The following CADPS variants were observed in gnomAD, a reference collection of about 807,000 sequenced individuals.
CADPS encodes the protein calcium dependent secretion activator.
In CADPS, 57 loss-of-function variants were observed where a neutral mutation model predicts 167.3. The ratio of observed to expected loss-of-function variants is 0.34; its 90% CI spans 0.28 to 0.42. CADPS has a LOEUF of 0.42. Ranked by LOEUF, CADPS falls within the 20% of genes least tolerant of loss-of-function variation. The pLI is 1.00. For missense variants in CADPS, 1,414 were observed against 1,738.1 expected (o/e 0.81, Z 3.32); for synonymous variants, 676 against 635.3 (o/e 1.06, Z -0.96).
intron 3 of CADPS, among the ~76,000 whole-genome samples, chr3:62,744,120 A>G (rs921007531): frequency 1.3e-5 from 2 of 152,180 alleles, no homozygotes; most frequent in African/African-American, 4.8e-5. Flanking sequence ...AAATGTAGGT[A>G]CAAATGTCTG....
chr3:62,664,932 A>C lies in CADPS; in HGVS notation c.889-2538T>G, dbSNP rs553580081. On this transcript the variant is annotated intron_variant, in intron 3 of 29. Transcript: ENST00000383710. Reference sequence around the variant, plus strand: ...TATTCTTTTATTCATTACTTCACTAATTTACTCATTCATTCATTAAATTTT... The same window carrying C: ...TATTCTTTTATTCATTACTTCACTACTTTACTCATTCATTCATTAAATTTT... Among the ~76,000 whole-genome samples the C allele has an allele frequency of 2.0e-5, 3 of 152,294 alleles. No homozygotes were observed. The South Asian group carries it at 6.2e-4, about 32-fold the overall frequency.
intron 9 of CADPS, among the ~76,000 whole-genome samples, chr3:62,563,962 C>T (rs188600341): frequency 6.6e-6 from 1 of 152,102 alleles, no homozygotes; most frequent in Non-Finnish European, 1.5e-5. Context: ...TGTCTAAGTG[C>T]TAGGAGTTAT....
chr3:62,836,593 A>G lies in CADPS; in HGVS notation c.441+37996T>C, dbSNP rs73844617. On this transcript the variant is annotated intron_variant, in intron 1 of 29. Coordinates refer to ENST00000383710, the MANE Select transcript of CADPS (RefSeq NM_003716.4). ...CTCTACAAAAGCATAAAGGTGAGAAAGCATGTGCATCTCTTGAGCCACAGG... is the reference window on the plus strand; with the variant it reads ...CTCTACAAAAGCATAAAGGTGAGAAGGCATGTGCATCTCTTGAGCCACAGG... Among the ~76,000 whole-genome samples the G allele has an allele frequency of 1.7e-3, 264 of 152,280 alleles. 2 individuals are homozygous for G. Among genetic ancestry groups the G allele is most frequent in the Middle Eastern group, 0.01 (3 of 294 alleles).
At chr3:62,842,375 G>T (rs1378212443) in intron 1 of CADPS, among the ~76,000 whole-genome samples, 5 of 152,188 alleles carry the variant, frequency 3.3e-5, no homozygotes, top group African/African-American at 9.7e-5. Context: ...AGGTTGTCAA[G>T]TTCCAGAATC....
intron 9 of CADPS, among the ~76,000 whole-genome samples, chr3:62,563,628 G>A (rs1243374543): frequency 2.6e-5 from 4 of 152,058 alleles, no homozygotes; most frequent in African/African-American, 9.7e-5. Flanking sequence ...TGAGATTTTG[G>A]TGAACCCATC....
At chr3:62,721,375 G>C (rs2075801252) in intron 3 of CADPS, among the ~76,000 whole-genome samples, 1 of 151,974 alleles carries the variant, frequency 6.6e-6, no homozygotes, top group Non-Finnish European at 1.5e-5. Flanking sequence ...AGATTTTATG[G>C]AGGAAATTAC....
chr3:62,541,869 T>C (rs114400758), intron 11 of CADPS, among the ~76,000 whole-genome samples: 2,256 of 152,272 alleles, frequency 0.015, 53 homozygotes, highest in African/African-American at 0.05. Context: ...CACACTTATA[T>C]GATCTTGTTT....
At chr3:62,463,383 A>T (rs1057414861) in intron 26 of CADPS, among the ~76,000 whole-genome samples, 1 of 152,200 alleles carries the variant, frequency 6.6e-6, no homozygotes, top group African/African-American at 2.4e-5. Context: ...AAAGAAAGCA[A>T]TGTCTTCTAC....
At chr3:62,459,456 C>T (rs2059079255) in intron 26 of CADPS, among the ~76,000 whole-genome samples, 1 of 152,194 alleles carries the variant, frequency 6.6e-6, no homozygotes, top group Non-Finnish European at 1.5e-5. Context: ...TCTGGCCTGG[C>T]CTTTCACAAG....
At chr3:62,644,981 C>A (rs1019381687) in intron 6 of CADPS, among the ~76,000 whole-genome samples, 2 of 152,176 alleles carry the variant, frequency 1.3e-5, no homozygotes, top group African/African-American at 4.8e-5. Context: ...TTCCACCATA[C>A]AATAATACCT....
intron 1 of CADPS, 50 bp from the exon 2 acceptor site, chr3:62,766,034 G>T (rs1448305533): frequency 7.6e-7 from 1 of 1,323,278 alleles, no homozygotes; most frequent in Non-Finnish European, 1.1e-6. Flanking sequence ...CCTAGACAAG[G>T]ATCATGGATA....
chr3:62,773,356 G>T (rs1445551216), intron 1 of CADPS, among the ~76,000 whole-genome samples: 1 of 151,856 alleles, frequency 6.6e-6, no homozygotes, highest in East Asian at 1.9e-4. Context: ...TCTGAAAAAG[G>T]CATTTTAAGT....
rs1705471110 is a variant in CADPS at position 62,400,396 on chromosome 3, A to T, written c.3883-811T>A. On this transcript the variant is annotated intron_variant, in intron 29 of 29. Transcript: ENST00000383710. ...GTGTTAATTGAATATGACCAGAAGC[A>T]TCTGGCTGTTGTCTACTTTGTAATT... is the stretch of plus-strand genomic sequence containing the variant. Among the ~76,000 whole-genome samples the T allele has an allele frequency of 1.3e-5, 2 of 151,894 alleles. 1 individual carries two copies. The highest frequency in any genetic ancestry group is 4.2e-4 in the South Asian group (2 of 4,804).
At chr3:62,452,076 C>G (rs998658635) in intron 26 of CADPS, among the ~76,000 whole-genome samples, 1 of 152,160 alleles carries the variant, frequency 6.6e-6, no homozygotes, top group African/African-American at 2.4e-5. Flanking sequence ...GAGAATGGCA[C>G]TCTTTACTCA....
At chr3:62,830,676 T>C (rs1005879029) in intron 1 of CADPS, among the ~76,000 whole-genome samples, 1 of 152,116 alleles carries the variant, frequency 6.6e-6, no homozygotes, top group African/African-American at 2.4e-5. Flanking sequence ...ACTTAAGAAA[T>C]CTTTCAATAC....
intron 27 of CADPS, among the ~76,000 whole-genome samples, chr3:62,442,118 A>AT (rs1216683633): frequency 0.015 from 2,157 of 143,416 alleles, 39 homozygotes; most frequent in African/African-American, 0.04. Context: ...CAAACCAGAA[A>AT]TTTTTTTTTT....
At chr3:62,780,360 G>A (rs948069465) in intron 1 of CADPS, among the ~76,000 whole-genome samples, 70 of 152,254 alleles carry the variant, frequency 4.6e-4, no homozygotes, top group African/African-American at 1.7e-3. Context: ...TGAGGCTGCA[G>A]TGACCTATGA....
At chr3:62,633,929 C>CT (rs1305501721) in intron 6 of CADPS, among the ~76,000 whole-genome samples, 5 of 152,052 alleles carry the variant, frequency 3.3e-5, no homozygotes, top group South Asian at 2.1e-4. Context: ...AAAATTTAAA[C>CT]TTTTTTTTAC....
At chr3:62,658,182 T>G (rs748320258) in intron 4 of CADPS, among the ~76,000 whole-genome samples, 38 of 152,200 alleles carry the variant, frequency 2.5e-4, no homozygotes, top group Non-Finnish European at 2.4e-4. Flanking sequence ...AGTAGTTGTG[T>G]GCACTTGAAC....
Sources: gnomAD v4.1 joint callset for allele counts (sites outside exome capture counted in the v4.1 genomes callset) on GRCh38, gnomAD v4.1.1 for gene constraint, MANE v1.5 for transcripts, NCBI Gene and HGNC (gene_info 2026-07-23, HGNC 2026-07-21) for gene names.